The following OVCH1 variants were observed in gnomAD, a reference collection of about 807,000 sequenced individuals.
OVCH1 encodes the protein ovochymase 1.
OVCH1 carries 139 observed loss-of-function variants against 138.4 expected under a neutral mutation model. That is an observed-to-expected ratio of 1.00 (90% confidence interval 0.87 to 1.16). The LOEUF (loss-of-function observed/expected upper bound fraction) is 1.16, where lower values mean the gene tolerates loss of function less well. Ranked by LOEUF, OVCH1 falls within the 50% of genes most tolerant of loss-of-function variation. The probability of loss-of-function intolerance (pLI) is 0.00; values close to 1 mark genes in which losing one functional copy is unlikely to be tolerated. For synonymous variants in OVCH1, 453 were observed against 467.8 expected, an observed-to-expected ratio of 0.97 and a Z score of 0.41; for missense variants, 1,367 against 1,357.9, an observed-to-expected ratio of 1.01 and a Z score of -0.11.
chr12:29,491,226 T>A (rs893128007), intron 4 of OVCH1, 34 bp from the exon 5 acceptor site: 1 of 1,493,740 alleles, frequency 6.7e-7, no homozygotes, highest in Non-Finnish European at 9.3e-7. Flanking sequence ...GGTTCATGGA[T>A]AAATACGCCA....
At chr12:29,403,243 ATAAT>A in the OVCH1 span, among the ~76,000 whole-genome samples, 1 of 152,230 alleles carries the variant, frequency 6.6e-6, no homozygotes, top group African/African-American at 2.4e-5. Context: ...TGGCAGCTTA[ATAAT>A]TCAAACTTTT....
At position 29,477,512 on chromosome 12, in the gene OVCH1, A is replaced by G. The variant is rs775580405; in HGVS notation, c.1113+23T>C. ...AAGAGAAGGAAAGTGAAATAACATT[A>G]CTAAAAAGTGGTGGAAACTTACACG... On this transcript the variant is annotated intron_variant, in intron 10 of 27. Coordinates refer to ENST00000318184, the Ensembl canonical transcript of OVCH1. 1.9e-5 allele frequency: 31 copies of G among 1,613,832 alleles called. No individual in the cohort carries two copies. In the South Asian group the frequency reaches 3.4e-4, roughly 18 times the overall value.
chr12:29,496,844 C>G (rs531673384), intron 1 of OVCH1, among the ~76,000 whole-genome samples, 170 bp from the exon 2 acceptor site: 24 of 152,344 alleles, frequency 1.6e-4, no homozygotes, highest in African/African-American at 5.3e-4. Flanking sequence ...CCCACAGTCA[C>G]CTGGGTTGAC....
Position 29,461,814 on chromosome 12 carries a change from C to G in OVCH1, c.2280+40G>C, listed in dbSNP as rs756442386. 8 of 1,612,356 alleles carry G rather than the reference C, an allele frequency of 5.0e-6. 1 individual carries two copies. The East Asian group carries it at 1.6e-4, about 31-fold the overall frequency. ...TCTATAGAAACTCTTCAGCAGATGG[C>G]AATTTTCCACCTTCCTGTATAAAAC... On this transcript the variant is annotated intron_variant, in intron 19 of 27. Coordinates refer to ENST00000318184, the Ensembl canonical transcript of OVCH1.
chr12:29,427,503 T>G (rs1941198822), downstream of OVCH1: 3 of 1,540,348 alleles, frequency 1.9e-6, no homozygotes, highest in African/African-American at 1.4e-5. Flanking sequence ...GACGTGAAAC[T>G]TGAGACAGAA....
chr12:29,458,131 G>T, intron 19 of OVCH1, among the ~76,000 whole-genome samples: 1 of 152,020 alleles, frequency 6.6e-6, no homozygotes, highest in East Asian at 1.9e-4. Flanking sequence ...CACAGAAATA[G>T]AAAAATAATC....
the OVCH1 span, among the ~76,000 whole-genome samples, chr12:29,404,272 C>T: frequency 6.6e-6 from 1 of 152,188 alleles, no homozygotes; most frequent in South Asian, 2.1e-4. Flanking sequence ...TGCCTCAGCT[C>T]ACAATGTCAA....
intron 26 of OVCH1, among the ~76,000 whole-genome samples, chr12:29,438,449 T>A (rs1158496450): frequency 7.9e-6 from 1 of 126,904 alleles, no homozygotes; most frequent in Admixed American, 8.8e-5. Flanking sequence ...GGAGTTAATT[T>A]CCTCTTCATC....
intron 3 of OVCH1, among the ~76,000 whole-genome samples, chr12:29,416,718 G>A (rs1402859013): frequency 6.6e-6 from 1 of 152,036 alleles, no homozygotes; most frequent in Non-Finnish European, 1.5e-5. Flanking sequence ...AATATAAAAT[G>A]GTAAAACTAC....
In OVCH1 at chr12:29,462,142, A is replaced by G; in HGVS notation, c.2126-134T>C. 3 of 995,782 alleles carry G rather than the reference A, an allele frequency of 3.0e-6. No individual in the cohort carries two copies. In the South Asian group the frequency reaches 6.2e-5, roughly 21 times the overall value. The allele number at this position is 995,782 out of a possible 1,614,324, so 61.7% of individuals were successfully genotyped here. A position where few individuals can be genotyped will look rare whatever the true frequency, so the allele number is the denominator to read the frequency against. On this transcript the variant is annotated intron_variant, in intron 18 of 27. Transcript: ENST00000318184. ...TCAGTTTGGCCTGAGCTGATGTAGA[A>G]TTCTGAATTTAAAAAATACAAGTGT... is the stretch of plus-strand genomic sequence containing the variant.
In OVCH1 at chr12:29,454,827, T is replaced by C; in HGVS notation, c.2530+14A>G. 3 of 1,590,016 alleles carry C rather than the reference T, an allele frequency of 1.9e-6. No individual in the cohort carries two copies. Among genetic ancestry groups the C allele is most frequent in the Non-Finnish European group, 2.6e-6 (3 of 1,159,578 alleles). On this transcript the variant is annotated intron_variant, in intron 21 of 27. Coordinates refer to ENST00000318184, the Ensembl canonical transcript of OVCH1. ...GGCTGAAAGTATTAATGGGATAATG[T>C]AAACATTTATTACCTGGCCAAGATG...
chr12:29,461,964 A>C, exon 19 of OVCH1: 1 of 1,613,802 alleles, frequency 6.2e-7, no homozygotes, highest in South Asian at 1.1e-5. Flanking sequence ...TCTCTTTCTA[A>C]CACATGCACT....
downstream of OVCH1, among the ~76,000 whole-genome samples, chr12:29,424,807 A>G (rs528567062): frequency 2.6e-5 from 4 of 152,352 alleles, no homozygotes; most frequent in Admixed American, 6.5e-5. Context: ...ATGTAGATAA[A>G]AACAATATTT....
At chr12:29,472,730 T>C (rs755705676) in intron 15 of OVCH1, among the ~76,000 whole-genome samples, 1 of 152,216 alleles carries the variant, frequency 6.6e-6, no homozygotes, top group African/African-American at 2.4e-5. Context: ...TTTTCTCTCT[T>C]TGCCCCACAC....
chr12:29,475,752 C>A (rs961620549), intron 13 of OVCH1, among the ~76,000 whole-genome samples: 3 of 152,184 alleles, frequency 2.0e-5, no homozygotes, highest in Non-Finnish European at 2.9e-5. Flanking sequence ...GAAGTTAAAT[C>A]TTCAAACTCA....
At chr12:29,406,236 A>C in the OVCH1 span, among the ~76,000 whole-genome samples, 1 of 152,210 alleles carries the variant, frequency 6.6e-6, no homozygotes, top group African/African-American at 2.4e-5. Flanking sequence ...ACATGTTTTT[A>C]TAAGTATCAA....
intron 9 of OVCH1, among the ~76,000 whole-genome samples, chr12:29,477,743 G>A (rs1942791942): frequency 6.6e-6 from 1 of 152,114 alleles, no homozygotes; most frequent in South Asian, 2.1e-4. Context: ...AACTCTACCA[G>A]ACAACCACTG....
rs540193651 is a variant in OVCH1, at chr12:29,439,789, C to G, written c.3158-355G>C. On this transcript the variant is annotated intron_variant, in intron 25 of 27. Coordinates refer to ENST00000318184, the Ensembl canonical transcript of OVCH1. ...CCCAGCAATAAATCAGAGGTTCCCA[C>G]GATCCCCTCCTCAGGTTTGATAATT... Among the ~76,000 whole-genome samples, 5 of 152,296 alleles carry G rather than the reference C, an allele frequency of 3.3e-5. No homozygotes were observed. The South Asian group carries it at 8.3e-4, about 25-fold the overall frequency.
chr12:29,417,106 A>C (rs1265706271), intron 3 of OVCH1, among the ~76,000 whole-genome samples: 3 of 152,230 alleles, frequency 2.0e-5, no homozygotes, highest in Non-Finnish European at 4.4e-5. Flanking sequence ...TCCATTGATT[A>C]AATACTCTTG....
Sources: gnomAD v4.1 joint callset for allele counts (sites outside exome capture counted in the v4.1 genomes callset) on GRCh38, gnomAD v4.1.1 for gene constraint, MANE v1.5 for transcripts, NCBI Gene and HGNC (gene_info 2026-07-23, HGNC 2026-07-21) for gene names.